Variants in TRIM71 observed in about 807,000 individuals in gnomAD.
TRIM71 encodes tripartite motif containing 71.
In TRIM71, 9 loss-of-function variants were observed where a neutral mutation model predicts 61.2. The ratio of observed to expected loss-of-function variants is 0.15; its 90% CI spans 0.09 to 0.26. The LOEUF is 0.26. Among genes scored for constraint, TRIM71 ranks in the 10% least tolerant of loss-of-function variants. The probability of loss-of-function intolerance (pLI) is 1.00; values close to 1 mark genes in which losing one functional copy is unlikely to be tolerated. For missense variants in TRIM71, 998 were observed against 1,238.7 expected (o/e 0.81, Z 2.92); for synonymous variants, 645 against 553.2 (o/e 1.17, Z -2.33).
In TRIM71 at chr3:32,856,748, A is replaced by T. The variant is rs900982376; in HGVS notation, c.853-17070A>T. 1.6e-4 allele frequency among the ~76,000 whole-genome samples: 25 copies of T among 152,324 alleles called. No individual in the cohort carries two copies. In the East Asian group the frequency reaches 4.8e-3, roughly 29 times the overall value. On this transcript the variant is annotated intron_variant, in intron 1 of 3. Coordinates refer to ENST00000383763, the MANE Select transcript of TRIM71 (RefSeq NM_001039111.3). The stretch of plus-strand genomic sequence containing the variant: ...AGTAACCTGGAGAACCCGGGGCAGG[A>T]GTGCCTTCTTGGCTCATTGTCAGTC...
chr3:32,834,715 G>A (rs1047550167), intron 1 of TRIM71, among the ~76,000 whole-genome samples: 7 of 152,072 alleles, frequency 4.6e-5, no homozygotes, highest in Admixed American at 1.3e-4. Flanking sequence ...GGTGGCGGGC[G>A]CCTGTAGTCC....
At chr3:32,887,307 A>G (rs971039684) in intron 3 of TRIM71, among the ~76,000 whole-genome samples, 10 of 152,004 alleles carry the variant, frequency 6.6e-5, no homozygotes, top group Non-Finnish European at 1.2e-4. Flanking sequence ...TACTCTTGGG[A>G]GAAGCCTATT....
chr3:32,867,203 A>G (rs894265035), intron 1 of TRIM71, among the ~76,000 whole-genome samples: 1 of 151,250 alleles, frequency 6.6e-6, no homozygotes, highest in Non-Finnish European at 1.5e-5. Context: ...TTAGATCTTC[A>G]CATGTTATAT....
intron 1 of TRIM71, among the ~76,000 whole-genome samples, chr3:32,847,376 A>G (rs921140106): frequency 2.6e-5 from 4 of 151,870 alleles, no homozygotes; most frequent in African/African-American, 7.3e-5. Flanking sequence ...TTGTATTTTT[A>G]GTAGAGAGAG....
intron 1 of TRIM71, among the ~76,000 whole-genome samples, chr3:32,858,675 G>A (rs1696633039): frequency 6.6e-6 from 1 of 152,184 alleles, no homozygotes; most frequent in Non-Finnish European, 1.5e-5. Flanking sequence ...GCCACGTAGG[G>A]CCTCAGAACA....
intron 1 of TRIM71, among the ~76,000 whole-genome samples, chr3:32,873,080 C>CCTCCCTCCCTCT (rs1325817388): frequency 7.0e-6 from 1 of 142,328 alleles, no homozygotes; most frequent in Non-Finnish European, 1.5e-5. Flanking sequence ...TCCCTCCCTC[C>CCTCCCTCCCTCT]CTCCCTCCCT....
intron 1 of TRIM71, among the ~76,000 whole-genome samples, chr3:32,857,660 GAA>G: frequency 6.6e-6 from 1 of 152,224 alleles, no homozygotes; most frequent in African/African-American, 2.4e-5. Context: ...AAGTAAGATA[GAA>G]AAAAATGTTA....
intron 1 of TRIM71, among the ~76,000 whole-genome samples, chr3:32,835,363 C>T (rs1214026262): frequency 6.6e-6 from 1 of 152,082 alleles, no homozygotes; most frequent in Non-Finnish European, 1.5e-5. Context: ...TGAGAGGGTC[C>T]TCTCCCCCTC....
rs1222954638 is a variant in TRIM71, at chr3:32,890,155, A to G, written c.1156-205A>G. 1.3e-5 allele frequency among the ~76,000 whole-genome samples: 2 copies of G among 152,178 alleles called. No homozygotes were observed. The highest frequency in any genetic ancestry group is 2.9e-5 in the Non-Finnish European group (2 of 68,038). Reference sequence around the variant, plus strand: ...TATAGTTGTCCTGTTTCTAGTAACTATCCTCTGTAACCCAGAACAGTTCTT... The same window carrying G: ...TATAGTTGTCCTGTTTCTAGTAACTGTCCTCTGTAACCCAGAACAGTTCTT... On this transcript the variant is annotated intron_variant, in intron 3 of 3. Transcript: ENST00000383763. This position sits in a 1 kb window ranked among gnomAD's most constrained non-coding sequence, Gnocchi z 6.2.
chr3:32,847,418 C>G (rs1408265569), intron 1 of TRIM71, among the ~76,000 whole-genome samples: 1 of 152,140 alleles, frequency 6.6e-6, no homozygotes, highest in Non-Finnish European at 1.5e-5. Flanking sequence ...TGGTCTCAAA[C>G]TCCCGACTTC....
At position 32,891,911 on chromosome 3, in the gene TRIM71, C is replaced by T. The variant is rs956308579; in HGVS notation, c.*100C>T. 130 of 1,474,226 alleles carry T rather than the reference C, an allele frequency of 8.8e-5. No individual in the cohort carries two copies. The highest frequency in any genetic ancestry group is 4.4e-5 in the Non-Finnish European group (49 of 1,114,004). 91.3% of individuals were successfully genotyped at this position (1,474,226 alleles called of 1,614,324 possible). Reference sequence around the variant, plus strand: ...CTCTTTTTGAATTTCAAAGAAGAAACAGTCTCAGGGAAATTTCTTTTTTCT... The same window carrying T: ...CTCTTTTTGAATTTCAAAGAAGAAATAGTCTCAGGGAAATTTCTTTTTTCT... On this transcript the variant is annotated 3_prime_UTR_variant, in exon 4 of 4. Coordinates refer to ENST00000383763, the MANE Select transcript of TRIM71 (RefSeq NM_001039111.3). The surrounding 1 kb of genome is among the most constrained non-coding windows in gnomAD (Gnocchi z 8.2).
intron 1 of TRIM71, among the ~76,000 whole-genome samples, chr3:32,849,660 G>A (rs969089212): frequency 6.6e-6 from 1 of 152,220 alleles, no homozygotes; most frequent in African/African-American, 2.4e-5. Flanking sequence ...CCTAGGGCCT[G>A]GAGTTCTAAT....
At chr3:32,844,954 G>A (rs34692573) in intron 1 of TRIM71, among the ~76,000 whole-genome samples, 69,758 of 152,056 alleles carry the variant, frequency 0.46, 16,223 homozygotes, top group East Asian at 0.66. Context: ...TGAGTTTTTG[G>A]GCTGAATTTG....
At chr3:32,850,734 G>T (rs1427262827) in intron 1 of TRIM71, among the ~76,000 whole-genome samples, 1 of 152,206 alleles carries the variant, frequency 6.6e-6, no homozygotes, top group Non-Finnish European at 1.5e-5. Flanking sequence ...GCTAAGCAGG[G>T]TATCTTGACC....
In TRIM71 at chr3:32,886,102, C is replaced by G. The variant is rs199591056; in HGVS notation, c.1155+34C>G. On this transcript the variant is annotated intron_variant, in intron 3 of 3. Coordinates refer to ENST00000383763, the MANE Select transcript of TRIM71 (RefSeq NM_001039111.3). Reference sequence around the variant, plus strand: ...GAGAGCTCCCCCACCCAGGCTGTGCCCACTCGGCTTCCATGAACCTCAGCA... The same window carrying G: ...GAGAGCTCCCCCACCCAGGCTGTGCGCACTCGGCTTCCATGAACCTCAGCA... 13 of 1,592,942 alleles carry G rather than the reference C, an allele frequency of 8.2e-6. No individual in the cohort carries two copies. The Admixed American group carries it at 2.3e-4, about 28-fold the overall frequency.
Position 32,896,360 on chromosome 3 carries a change from T to G in TRIM71, c.*4549T>G, listed in dbSNP as rs1344472707. 1 of 152,230 alleles carries G rather than the reference T, an allele frequency of 6.6e-6. No homozygotes were observed. The highest frequency in any genetic ancestry group is 1.5e-5 in the Non-Finnish European group (1 of 68,046). The allele number at this position is 152,230 out of a possible 1,614,324, so 9.4% of individuals were successfully genotyped here. On this transcript the variant is annotated 3_prime_UTR_variant, in exon 4 of 4. Coordinates refer to ENST00000383763, the MANE Select transcript of TRIM71 (RefSeq NM_001039111.3). ...CATGATGTTGCAACAATCACTGTTT[T>G]GACTGAGCAGTGACTGTTGAAGTGT...
chr3:32,835,784 C>A (rs1696328281), intron 1 of TRIM71, among the ~76,000 whole-genome samples: 1 of 151,688 alleles, frequency 6.6e-6, no homozygotes, highest in African/African-American at 2.4e-5. Flanking sequence ...ATATATAAAC[C>A]TATTTTGTTT....
At chr3:32,879,779 C>G (rs1224236521) in intron 2 of TRIM71, among the ~76,000 whole-genome samples, 1 of 151,600 alleles carries the variant, frequency 6.6e-6, no homozygotes, top group Non-Finnish European at 1.5e-5. Context: ...TCTATACCAG[C>G]CTGAGCAACA....
Position 32,825,561 on chromosome 3 carries a change from T to C in TRIM71, c.852+6629T>C, listed in dbSNP as rs142785327. Among the ~76,000 whole-genome samples the C allele has an allele frequency of 6.1e-3, 928 of 152,318 alleles. 8 individuals carry two copies. Among genetic ancestry groups the C allele is most frequent in the African/African-American group, 0.021 (857 of 41,560 alleles). On this transcript the variant is annotated intron_variant, in intron 1 of 3. Coordinates refer to ENST00000383763, the MANE Select transcript of TRIM71 (RefSeq NM_001039111.3). ...ATTTTTGACAGGCAAAAGGGTGAGA[T>C]GAATTCTATACTATGCAGGCAGTTT...
Sources: gnomAD v4.1 joint callset for allele counts (sites outside exome capture counted in the v4.1 genomes callset) on GRCh38, gnomAD v4.1.1 for gene constraint, Gnocchi (gnomAD v3.1) non-coding constraint, MANE v1.5 for transcripts, NCBI Gene and HGNC (gene_info 2026-07-23, HGNC 2026-07-21) for gene names.